TNFRSF1A: variants seen among roughly 807,000 people sequenced by gnomAD.
The protein encoded by TNFRSF1A is tumor necrosis factor receptor superfamily member 1A.
TNFRSF1A carries 9 observed loss-of-function variants against 41.6 expected under a neutral mutation model. The observed-to-expected ratio is 0.22, with a 90% confidence interval of 0.13 to 0.38. The LOEUF is 0.38. TNFRSF1A is among the 10% of genes least tolerant of loss of function. The pLI is 1.00. For synonymous variants in TNFRSF1A, 254 were observed against 248.6 expected (o/e 1.02, Z -0.21); for missense variants, 463 against 591.5 (o/e 0.78, Z 2.25).
At position 6,333,279 on chromosome 12, in the gene TNFRSF1A, G is replaced by A. The variant is rs34567207; in HGVS notation, c.472+88C>T. On this transcript the variant is annotated intron_variant, in intron 4 of 9. Coordinates refer to ENST00000162749, the MANE Select transcript of TNFRSF1A (RefSeq NM_001065.4). This position sits in a 1 kb window ranked among gnomAD's most constrained non-coding sequence, Gnocchi z 6.3. ...GTTGTCAGACCCACAGAATACAGGA[G>A]GGGGAAGGAAAGGAAGTGCCACCGC... 10 of 1,561,850 alleles carry A rather than the reference G, an allele frequency of 6.4e-6. No homozygotes were observed. The East Asian group carries it at 1.2e-4, about 18-fold the overall frequency.
At chr12:6,339,161 AAC>A (rs1370271844) in intron 1 of TNFRSF1A, among the ~76,000 whole-genome samples, 1 of 152,102 alleles carries the variant, frequency 6.6e-6, no homozygotes, top group African/African-American at 2.4e-5. Context: ...CCTGCCCATC[AAC>A]ACAAAATCCC....
chr12:6,332,979 G>T, intron 5 of TNFRSF1A, 90 bp downstream of exon 5: 2 of 1,194,460 alleles, frequency 1.7e-6, no homozygotes, highest in South Asian at 1.2e-5. Context: ...GGGGCATCCT[G>T]GCATCTGTTG....
Position 6,329,975 on chromosome 12 carries a change from G to A in TNFRSF1A, c.860C>T (p.Pro287Leu). 6.3e-7 allele frequency: 1 copy of A among 1,588,994 alleles called. No homozygotes were observed. The highest frequency in any genetic ancestry group is 1.1e-5 in the South Asian group (1 of 88,828). ...PGFTPTLGFS[P>L]VPSSTFTSSS... ...GGAGGTGAAGGTGGAACTGGGCACG[G>A]GACTGAAGCCCAGGGTGGGGGTGAA... Residue 287 changes from proline to leucine, a missense_variant, in exon 9 of 10, where the codon CCC becomes CTC. Pro to Leu is a moderately conservative substitution (Grantham distance 98). This residue lies in a region of TNFRSF1A where 277 missense variants were observed against 288.8 expected (regional missense o/e 0.96). Transcript: ENST00000162749.
Position 6,337,872 on chromosome 12 carries a change from C to T in TNFRSF1A, c.40-3628G>A, listed in dbSNP as rs112764316. Reference sequence around the variant, plus strand: ...CTGGGAGCAGATAAATATGGATCAACTGATCGATCTAATGATACATCTGTC... The same window carrying T: ...CTGGGAGCAGATAAATATGGATCAATTGATCGATCTAATGATACATCTGTC... On this transcript the variant is annotated intron_variant, in intron 1 of 9. Coordinates refer to ENST00000162749, the MANE Select transcript of TNFRSF1A (RefSeq NM_001065.4). The surrounding 1 kb of genome is among the most constrained non-coding windows in gnomAD (Gnocchi z 4.6). 3.8e-4 allele frequency among the ~76,000 whole-genome samples: 58 copies of T among 152,190 alleles called. No homozygotes were observed. Among genetic ancestry groups the T allele is most frequent in the Non-Finnish European group, 7.2e-4 (49 of 68,034 alleles).
In TNFRSF1A at chr12:6,341,992, A is replaced by G. The variant is rs775231913; in HGVS notation, c.-178T>C. ...CCTGGTCCCAGTGATCTTGAACCCC[A>G]AAGGCCAGAACTGGAGCCTCAGTCC... On this transcript the variant is annotated 5_prime_UTR_variant, in exon 1 of 10. Transcript: ENST00000162749. The surrounding 1 kb of genome is among the most constrained non-coding windows in gnomAD (Gnocchi z 4.6). The G allele has an allele frequency of 1.4e-6, 1 of 693,682 alleles. No individual in the cohort carries two copies. Among genetic ancestry groups the G allele is most frequent in the East Asian group, 2.7e-5 (1 of 36,856 alleles). 43.0% of individuals were successfully genotyped at this position (693,682 alleles called of 1,614,324 possible).
chr12:6,339,845 A>T (rs56327002), intron 1 of TNFRSF1A, among the ~76,000 whole-genome samples: 2,248 of 116,118 alleles, frequency 0.019, 26 homozygotes, highest in African/African-American at 0.072. Context: ...TCTCTCTCAC[A>T]CACACACACA....
chr12:6,330,605 G>A lies in TNFRSF1A; in HGVS notation c.732C>T (p.Tyr244=), dbSNP rs1948037312. Residue 244 remains tyrosine (Y), a synonymous_variant, in exon 7 of 10, where the codon TAC becomes TAT. Transcript: ENST00000162749. ...CCCAAAGCCCCCACTCACCAATGGA[G>A]TAGAGCTTGGACTTCCACCGTTGGT... The part of the protein sequence containing the change: ...YRYQRWKSKL[Y]SIVCGKSTPE... The A allele has an allele frequency of 6.2e-7, 1 of 1,611,628 alleles. No individual in the cohort carries two copies. The highest frequency in any genetic ancestry group is 2.2e-5 in the East Asian group (1 of 44,870).
At chr12:6,335,267 G>T (rs886625079) in intron 1 of TNFRSF1A, among the ~76,000 whole-genome samples, 8 of 152,188 alleles carry the variant, frequency 5.3e-5, no homozygotes, top group Admixed American at 2.0e-4. Flanking sequence ...AAAGGGAAAG[G>T]TTGGGGATCC....
intron 5 of TNFRSF1A, among the ~76,000 whole-genome samples, chr12:6,332,431 CTCAA>C (rs1948062418): frequency 1.2e-5 from 1 of 81,244 alleles, no homozygotes. Flanking sequence ...GAAACCCTGT[CTCAA>C]AAAAAAAAAA....
intron 5 of TNFRSF1A, among the ~76,000 whole-genome samples, 192 bp downstream of exon 5, chr12:6,332,875 CAA>C (rs1465853196): frequency 2.6e-5 from 4 of 152,198 alleles, no homozygotes; most frequent in Middle Eastern, 3.2e-3. Flanking sequence ...CTTCCATCCT[CAA>C]AGACTTCTTC....
chr12:6,329,736 C>G (rs777214812), intron 9 of TNFRSF1A, 42 bp downstream of exon 9: 4 of 1,573,870 alleles, frequency 2.5e-6, no homozygotes, highest in Non-Finnish European at 3.4e-6. Flanking sequence ...CTCCCCCGGC[C>G]CTCCCCCAGC....
Position 6,337,344 on chromosome 12 carries a change from C to G in TNFRSF1A, c.40-3100G>C, listed in dbSNP as rs1379464629. ...AGACAGTTGAGGGGGTGGCCCAACA[C>G]CCCTCCAACTCCCCCACAATTTCCG... On this transcript the variant is annotated intron_variant, in intron 1 of 9. Transcript: ENST00000162749. The surrounding 1 kb of genome is among the most constrained non-coding windows in gnomAD (Gnocchi z 4.6). Among the ~76,000 whole-genome samples the G allele has an allele frequency of 6.6e-6, 1 of 152,192 alleles. No individual in the cohort carries two copies. Among genetic ancestry groups the G allele is most frequent in the East Asian group, 1.9e-4 (1 of 5,188 alleles).
chr12:6,330,135 G>A, intron 8 of TNFRSF1A, 69 bp from the exon 9 acceptor site: 1 of 1,610,972 alleles, frequency 6.2e-7, no homozygotes, highest in Non-Finnish European at 8.5e-7. Context: ...TTTATTCTAC[G>A]TGGGGGTTGG....
chr12:6,333,376 G>T lies in TNFRSF1A; in HGVS notation c.463C>A (p.His155Asn). 6.2e-7 allele frequency: 1 copy of T among 1,613,670 alleles called. No individual in the cohort carries two copies. The part of the protein sequence containing the change: ...NCSLCLNGTV[H>N]LSCQEKQNTV... ...GGAGAGCTGCGCTCACAGGAGAGGT[G>T]CACGGTCCCATTGAGGCAGAGGCTG... Residue 155 changes from histidine (H) to asparagine (N), a missense_variant, in exon 4 of 10, where the codon CAC becomes AAC. Physicochemically the swap from His to Asn is moderately conservative, Grantham distance 68. Transcript: ENST00000162749. The surrounding 1 kb of genome is among the most constrained non-coding windows in gnomAD (Gnocchi z 6.3).
In TNFRSF1A at chr12:6,339,017, C is replaced by T. The variant is rs76766836; in HGVS notation, c.39+2759G>A. On this transcript the variant is annotated intron_variant, in intron 1 of 9. Coordinates refer to ENST00000162749, the MANE Select transcript of TNFRSF1A (RefSeq NM_001065.4). ...TCTGAATAAACGAATGAATGAATTCCTCCACCTGGAACCATATTCAACACT... is the reference window on the plus strand; with the variant it reads ...TCTGAATAAACGAATGAATGAATTCTTCCACCTGGAACCATATTCAACACT... Among the ~76,000 whole-genome samples, 428 of 152,286 alleles carry T rather than the reference C, an allele frequency of 2.8e-3. 1 individual carries two copies. Among genetic ancestry groups the T allele is most frequent in the African/African-American group, 9.9e-3 (410 of 41,542 alleles).
chr12:6,330,225 T>C (rs200079282), intron 8 of TNFRSF1A, 42 bp downstream of exon 8: 2 of 1,561,236 alleles, frequency 1.3e-6, no homozygotes, highest in Non-Finnish European at 1.8e-6. Flanking sequence ...TTATAAGGAA[T>C]GGTCAGGGAC....
intron 1 of TNFRSF1A, among the ~76,000 whole-genome samples, chr12:6,340,015 G>A (rs1432028042): frequency 6.6e-6 from 1 of 152,162 alleles, no homozygotes; most frequent in Non-Finnish European, 1.5e-5. Context: ...AGCACCCCAG[G>A]ACGCAGGCAC....
Position 6,333,030 on chromosome 12 carries a change from G to T in TNFRSF1A, c.551+39C>A. 1.3e-6 allele frequency: 2 copies of T among 1,587,514 alleles called. No homozygotes were observed. The highest frequency in any genetic ancestry group is 1.7e-6 in the Non-Finnish European group (2 of 1,156,508). Reference sequence around the variant, plus strand: ...CCACCAGTCACCCGTCCCAACCCATGCCACCATCCAGTGCCCAGCAGCTCT... The same window carrying T: ...CCACCAGTCACCCGTCCCAACCCATTCCACCATCCAGTGCCCAGCAGCTCT... On this transcript the variant is annotated intron_variant, in intron 5 of 9. Transcript: ENST00000162749. This position sits in a 1 kb window ranked among gnomAD's most constrained non-coding sequence, Gnocchi z 6.3.
chr12:6,330,146 G>A, intron 8 of TNFRSF1A, 80 bp from the exon 9 acceptor site: 5 of 1,610,946 alleles, frequency 3.1e-6, no homozygotes, highest in Non-Finnish European at 4.2e-6. Context: ...TGGGGGTTGG[G>A]ACTTAGAGGG....
Sources: allele counts gnomAD v4.1 joint callset (sites outside exome capture counted in the v4.1 genomes callset), GRCh38; gene constraint gnomAD v4.1.1; regional missense constraint gnomAD v4.1.1; non-coding constraint Gnocchi (gnomAD v3.1); transcripts MANE v1.5; gene names NCBI Gene and HGNC (gene_info 2026-07-23, HGNC 2026-07-21).